The following FGF10 variants were observed in gnomAD, a reference collection of about 807,000 sequenced individuals.
FGF10 encodes the protein FGF-10.
In FGF10, 2 loss-of-function variants were observed where a neutral mutation model predicts 19.8. That is an observed-to-expected ratio of 0.10 (90% CI 0.04 to 0.32). The LOEUF (loss-of-function observed/expected upper bound fraction) is 0.32. Ranked by LOEUF, FGF10 falls within the 10% of genes least tolerant of loss-of-function variation. The pLI is 1.00. For synonymous variants in FGF10, 112 were observed against 94.0 expected (o/e 1.19, Z -1.10); for missense variants, 191 against 246.3 (o/e 0.78, Z 1.50).
chr5:44,332,133 C>G (rs1321780412), intron 1 of FGF10, among the ~76,000 whole-genome samples: 1 of 152,074 alleles, frequency 6.6e-6, no homozygotes, highest in African/African-American at 2.4e-5. Context: ...GTTAAAGTCT[C>G]TCTCTCTCTC....
At chr5:44,328,524 A>G (rs1740663020) in intron 1 of FGF10, among the ~76,000 whole-genome samples, 1 of 152,134 alleles carries the variant, frequency 6.6e-6, no homozygotes, top group Admixed American at 6.6e-5. Flanking sequence ...TTGGGAAGCC[A>G]ATGCAGGAGG....
chr5:44,372,127 C>T (rs1212216004), intron 1 of FGF10, among the ~76,000 whole-genome samples: 2 of 152,064 alleles, frequency 1.3e-5, no homozygotes, highest in African/African-American at 4.8e-5. Flanking sequence ...ATCTGTTTCC[C>T]TCGGCTGAAA....
At chr5:44,358,152 A>G (rs1347292961) in intron 1 of FGF10, among the ~76,000 whole-genome samples, 1 of 151,564 alleles carries the variant, frequency 6.6e-6, no homozygotes, top group African/African-American at 2.4e-5. Context: ...AAGATTCTAC[A>G]TGGCAGAAGT....
chr5:44,313,645 A>G (rs1740262556), intron 1 of FGF10, among the ~76,000 whole-genome samples: 2 of 151,926 alleles, frequency 1.3e-5, no homozygotes, highest in African/African-American at 2.4e-5. Flanking sequence ...ATGAAAGGAC[A>G]CATGAATTAT....
intron 1 of FGF10, among the ~76,000 whole-genome samples, chr5:44,374,802 T>C (rs1049768022): frequency 3.9e-5 from 6 of 152,168 alleles, no homozygotes; most frequent in Non-Finnish European, 7.4e-5. Flanking sequence ...GATAAAGTAA[T>C]TTTTAATCCC....
At chr5:44,353,808 G>A (rs191458937) in intron 1 of FGF10, among the ~76,000 whole-genome samples, 6 of 151,404 alleles carry the variant, frequency 4.0e-5, no homozygotes, top group Non-Finnish European at 7.4e-5. Context: ...GCTGGGGGGC[G>A]GGGGCTCTTC....
intron 1 of FGF10, among the ~76,000 whole-genome samples, chr5:44,323,721 A>T (rs1740548618): frequency 6.6e-6 from 1 of 152,172 alleles, no homozygotes; most frequent in South Asian, 2.1e-4. Flanking sequence ...CTGGCACATT[A>T]TGATCTGTTT....
intron 1 of FGF10, among the ~76,000 whole-genome samples, chr5:44,343,572 C>T (rs908216424): frequency 1.3e-5 from 2 of 151,926 alleles, no homozygotes; most frequent in African/African-American, 2.4e-5. Context: ...AAATGAAACA[C>T]TTCCTGTTTT....
chr5:44,324,561 A>G (rs1467109082), intron 1 of FGF10, among the ~76,000 whole-genome samples: 1 of 152,170 alleles, frequency 6.6e-6, no homozygotes, highest in African/African-American at 2.4e-5. Context: ...TATTTATTGC[A>G]TATAATGAAT....
chr5:44,350,675 A>G (rs945262483), intron 1 of FGF10, among the ~76,000 whole-genome samples: 4 of 151,052 alleles, frequency 2.6e-5, no homozygotes, highest in Admixed American at 6.6e-5. Context: ...AAATGTATCC[A>G]ATTTAAAATG....
chr5:44,360,687 C>T (rs1033220865), intron 1 of FGF10, among the ~76,000 whole-genome samples: 4 of 151,582 alleles, frequency 2.6e-5, no homozygotes, highest in Non-Finnish European at 5.9e-5. Flanking sequence ...AATTTAATTG[C>T]AAGACTTTAA....
At position 44,304,662 on chromosome 5, in the gene FGF10, T is replaced by C. The variant is rs1395260747; in HGVS notation, c.*333A>G. On this transcript the variant is annotated 3_prime_UTR_variant, in exon 3 of 3. Coordinates refer to ENST00000264664, the MANE Select transcript of FGF10 (RefSeq NM_004465.2). ...CCCGAAGATCGTTCTTTCAACAGAT[T>C]GTTCTATGTCCTTTAAGTTCTATCT... 9 of 296,936 alleles carry C rather than the reference T, an allele frequency of 3.0e-5. No homozygotes were observed. The highest frequency in any genetic ancestry group is 5.8e-5 in the Non-Finnish European group (9 of 155,140). The allele number at this position is 296,936 out of a possible 1,614,324, so 18.4% of individuals were successfully genotyped here. A position where few individuals can be genotyped will look rare whatever the true frequency, so the allele number is the denominator to read the frequency against.
At chr5:44,367,124 T>C (rs981374510) in intron 1 of FGF10, among the ~76,000 whole-genome samples, 1 of 152,050 alleles carries the variant, frequency 6.6e-6, no homozygotes, top group Admixed American at 6.6e-5. Flanking sequence ...AAAGAACTGA[T>C]AGAAAATGAA....
chr5:44,380,617 T>C (rs898689013), intron 1 of FGF10, among the ~76,000 whole-genome samples: 1 of 152,154 alleles, frequency 6.6e-6, no homozygotes, highest in Non-Finnish European at 1.5e-5. Flanking sequence ...ATTCTGGAAG[T>C]TGGGAATATC....
rs1415554380 is a variant in FGF10, at chr5:44,303,967, A to G, written c.*1028T>C. On this transcript the variant is annotated 3_prime_UTR_variant, in exon 3 of 3. Transcript: ENST00000264664. ...GCTATTTAAATGTATTTAGCAATTA[A>G]TTTTCCTTTTTTTAGTATATTCTTG... The G allele has an allele frequency of 6.6e-6, 1 of 151,854 alleles. No homozygotes were observed. Among genetic ancestry groups the G allele is most frequent in the Non-Finnish European group, 1.5e-5 (1 of 68,024 alleles). 9.4% of individuals were successfully genotyped at this position (151,854 alleles called of 1,614,324 possible).
intron 1 of FGF10, among the ~76,000 whole-genome samples, chr5:44,349,696 C>T (rs1741192060): frequency 6.8e-6 from 1 of 146,122 alleles, no homozygotes; most frequent in Non-Finnish European, 1.5e-5. Flanking sequence ...ACTAAAAAAA[C>T]TCTTTGGGAA....
chr5:44,357,276 A>C (rs1157655502), intron 1 of FGF10, among the ~76,000 whole-genome samples: 1 of 151,446 alleles, frequency 6.6e-6, no homozygotes, highest in Non-Finnish European at 1.5e-5. Flanking sequence ...AGGAATCTTA[A>C]ACCCTGAAAG....
intron 1 of FGF10, among the ~76,000 whole-genome samples, chr5:44,383,948 A>G (rs1346514266): frequency 6.6e-6 from 1 of 152,084 alleles, no homozygotes; most frequent in African/African-American, 2.4e-5. Context: ...TTAGCTTCCT[A>G]CAATAAGCTC....
At chr5:44,366,615 T>C (rs1741619475) in intron 1 of FGF10, among the ~76,000 whole-genome samples, 1 of 152,028 alleles carries the variant, frequency 6.6e-6, no homozygotes, top group Non-Finnish European at 1.5e-5. Context: ...TTCTGACACT[T>C]TTAGTGGCTT....
Sources: allele counts gnomAD v4.1 joint callset (sites outside exome capture counted in the v4.1 genomes callset), GRCh38; gene constraint gnomAD v4.1.1; transcripts MANE v1.5; gene names NCBI Gene and HGNC (gene_info 2026-07-23, HGNC 2026-07-21).